The following PDGFD variants were observed in gnomAD, a reference collection of about 807,000 sequenced individuals.
The protein encoded by PDGFD is platelet-derived growth factor D.
PDGFD carries 30 observed loss-of-function variants against 44.7 expected under a neutral mutation model. That is an observed-to-expected ratio of 0.67 (90% CI 0.50 to 0.91). PDGFD has a LOEUF of 0.91. Ranked by LOEUF, PDGFD falls within the 40% of genes least tolerant of loss-of-function variation. The pLI, the probability that PDGFD is intolerant of heterozygous loss-of-function variation, is 0.00. For synonymous variants in PDGFD, 173 were observed against 168.4 expected (o/e 1.03, Z -0.21); for missense variants, 445 against 457.8 (o/e 0.97, Z 0.25).
At chr11:103,940,729 T>A (rs957946900) in intron 5 of PDGFD, among the ~76,000 whole-genome samples, 1 of 152,118 alleles carries the variant, frequency 6.6e-6, no homozygotes, top group African/African-American at 2.4e-5. Context: ...ATCAGCACAT[T>A]TATACAAGAG....
intron 4 of PDGFD, 39 bp from the exon 5 acceptor site, chr11:103,943,689 C>T (rs1440230747): frequency 6.5e-7 from 1 of 1,539,482 alleles, no homozygotes; most frequent in African/African-American, 1.4e-5. Flanking sequence ...CAGAATAAGT[C>T]CATTGCTGTG....
intron 1 of PDGFD, among the ~76,000 whole-genome samples, chr11:104,119,889 C>T (rs1179627024): frequency 1.7e-5 from 2 of 117,072 alleles, no homozygotes; most frequent in Admixed American, 1.0e-4. Flanking sequence ...TTATATAGTA[C>T]ATAATTATAT....
chr11:104,066,533 C>T (rs996864186), intron 1 of PDGFD, among the ~76,000 whole-genome samples: 2 of 152,052 alleles, frequency 1.3e-5, no homozygotes, highest in Admixed American at 6.6e-5. Context: ...TGAGAAATAT[C>T]CTTTTATACA....
At chr11:103,925,679 G>GTATATATATATATATATA (rs367755559) in intron 6 of PDGFD, among the ~76,000 whole-genome samples, 1 of 119,786 alleles carries the variant, frequency 8.3e-6, no homozygotes, top group Non-Finnish European at 1.7e-5. Context: ...GTGTGTCTGT[G>GTATATATATATATATATA]TATATATATA....
chr11:103,985,117 TAATATATTA>T lies in PDGFD; in HGVS notation c.510+10939_510+10947del, dbSNP rs1350358710. On this transcript the variant is annotated intron_variant, in intron 3 of 6. Transcript: ENST00000393158. The stretch of plus-strand genomic sequence containing the variant: ...ATTATATATTAATTTATTTAATATA[TAATATATTA>T]ATTTATTTAATATATAATATATTAA... Among the ~76,000 whole-genome samples, 577 of 133,118 alleles carry T rather than the reference TAATATATTA, an allele frequency of 4.3e-3. 59 individuals are homozygous for T. The East Asian group carries it at 0.086, about 20-fold the overall frequency. 87.3% of individuals were successfully genotyped at this position (133,118 alleles called of 152,430 possible). A position where few individuals can be genotyped will look rare whatever the true frequency, so the allele number is the denominator to read the frequency against.
intron 1 of PDGFD, among the ~76,000 whole-genome samples, chr11:104,095,081 C>T (rs1465290165): frequency 2.0e-5 from 3 of 152,064 alleles, no homozygotes; most frequent in African/African-American, 7.2e-5. Flanking sequence ...TTCTCTCTTA[C>T]CTTATTCACC....
chr11:104,136,196 T>C (rs73603991), intron 1 of PDGFD, among the ~76,000 whole-genome samples: 1,578 of 152,318 alleles, frequency 0.01, 25 homozygotes, highest in African/African-American at 0.036. Context: ...ATTGTGTCTA[T>C]GACTTAATCC....
At position 103,996,619 on chromosome 11, in the gene PDGFD, A is replaced by C. The variant is rs142023575; in HGVS notation, c.330-374T>G. Among the ~76,000 whole-genome samples, 775 of 152,324 alleles carry C rather than the reference A, an allele frequency of 5.1e-3. 5 individuals carry two copies. Among genetic ancestry groups the C allele is most frequent in the African/African-American group, 0.018 (731 of 41,570 alleles). On this transcript the variant is annotated intron_variant, in intron 2 of 6. Transcript: ENST00000393158. ...TATAGGCCCAAATATTAACTATATA[A>C]AGTTTTTAAAACAAATACCCACTCT...
At chr11:104,079,332 T>A (rs890866624) in intron 1 of PDGFD, among the ~76,000 whole-genome samples, 2 of 152,158 alleles carry the variant, frequency 1.3e-5, no homozygotes, top group African/African-American at 4.8e-5. Context: ...TTACCCTGAA[T>A]TTTTTTAACA....
intron 5 of PDGFD, among the ~76,000 whole-genome samples, chr11:103,932,768 A>G (rs139533665): frequency 6.6e-6 from 1 of 152,300 alleles, no homozygotes; most frequent in Non-Finnish European, 1.5e-5. Context: ...AATCAGATAA[A>G]CCATGGATTT....
At chr11:103,936,457 C>G (rs1858488330) in intron 5 of PDGFD, among the ~76,000 whole-genome samples, 1 of 152,126 alleles carries the variant, frequency 6.6e-6, no homozygotes. Flanking sequence ...GACAAAGAAA[C>G]AGCAATAAAT....
chr11:103,948,231 G>A (rs1858691675), intron 3 of PDGFD, among the ~76,000 whole-genome samples: 1 of 152,134 alleles, frequency 6.6e-6, no homozygotes, highest in Admixed American at 6.6e-5. Context: ...AAATATTGGT[G>A]ATCTTTTCAA....
At chr11:104,020,457 A>G (rs1456864238) in intron 1 of PDGFD, among the ~76,000 whole-genome samples, 1 of 152,158 alleles carries the variant, frequency 6.6e-6, no homozygotes, top group African/African-American at 2.4e-5. Context: ...TAAGAATGAG[A>G]TAATATGTAT....
chr11:103,916,221 C>T (rs1028791050), intron 6 of PDGFD, among the ~76,000 whole-genome samples: 10 of 151,982 alleles, frequency 6.6e-5, no homozygotes, highest in Non-Finnish European at 1.0e-4. Context: ...CCAGAATCTA[C>T]GAAGAACTTA....
chr11:104,034,645 C>CT lies in PDGFD; in HGVS notation c.125-34391dup, dbSNP rs35283366. 1.8e-3 allele frequency among the ~76,000 whole-genome samples: 253 copies of CT among 143,724 alleles called. 1 individual carries two copies. Among genetic ancestry groups the CT allele is most frequent in the East Asian group, 3.9e-3 (19 of 4,834 alleles). The allele number at this position is 143,724 out of a possible 152,430, so 94.3% of individuals were successfully genotyped here. A position where few individuals can be genotyped will look rare whatever the true frequency, so the allele number is the denominator to read the frequency against. The stretch of plus-strand genomic sequence containing the variant: ...CATGAGCTCTGCACAGTGCAAAACA[C>CT]TTTTTTTTTTTTTTTGAGATGGAGT... On this transcript the variant is annotated intron_variant, in intron 1 of 6. Coordinates refer to ENST00000393158, the MANE Select transcript of PDGFD (RefSeq NM_025208.5).
At chr11:104,106,695 G>A (rs144763439) in intron 1 of PDGFD, among the ~76,000 whole-genome samples, 5 of 151,360 alleles carry the variant, frequency 3.3e-5, no homozygotes, top group Non-Finnish European at 7.4e-5. Context: ...TAGAAATTAC[G>A]GTGGCCAGAA....
chr11:104,066,129 A>C (rs1860789139), intron 1 of PDGFD, among the ~76,000 whole-genome samples: 1 of 152,218 alleles, frequency 6.6e-6, no homozygotes, highest in Non-Finnish European at 1.5e-5. Context: ...CATAGTAAAA[A>C]TGGAGGGAAA....
intron 3 of PDGFD, among the ~76,000 whole-genome samples, chr11:103,995,330 T>A (rs1459344939): frequency 6.6e-6 from 1 of 152,188 alleles, no homozygotes; most frequent in African/African-American, 2.4e-5. Flanking sequence ...TATTAATGTA[T>A]GAATGAGTAA....
chr11:104,041,112 G>C (rs1860343524), intron 1 of PDGFD, among the ~76,000 whole-genome samples: 1 of 151,928 alleles, frequency 6.6e-6, no homozygotes. Context: ...AATGACAACA[G>C]AGTAGGCAGG....
Sources: gnomAD v4.1 joint callset for allele counts (sites outside exome capture counted in the v4.1 genomes callset) on GRCh38, gnomAD v4.1.1 for gene constraint, MANE v1.5 for transcripts, NCBI Gene and HGNC (gene_info 2026-07-23, HGNC 2026-07-21) for gene names.